Variants in CYP4F12 observed in about 807,000 individuals in gnomAD.
CYP4F12 encodes the protein cytochrome P450 4F12.
In CYP4F12, 60 loss-of-function variants were observed where a neutral mutation model predicts 56.5. The observed-to-expected ratio is 1.06, with a 90% confidence interval of 0.86 to 1.32. The LOEUF (loss-of-function observed/expected upper bound fraction) is 1.32, where lower values mean the gene tolerates loss of function less well. Ranked by LOEUF, CYP4F12 falls within the 40% of genes most tolerant of loss-of-function variation. The pLI is 0.00. For synonymous variants in CYP4F12, 263 were observed against 264.9 expected (o/e 0.99, Z 0.07); for missense variants, 711 against 683.5 (o/e 1.04, Z -0.45).
Position 15,685,003 on chromosome 19 carries a change from G to T in CYP4F12, c.986-65G>T. ...TCCCCCTCCCTCCATCCTCCTGAGGGCCTCAATATCTGGGCGCTGTCCACC... is the reference window on the plus strand; with the variant it reads ...TCCCCCTCCCTCCATCCTCCTGAGGTCCTCAATATCTGGGCGCTGTCCACC... On this transcript the variant is annotated intron_variant, in intron 8 of 12. Transcript: ENST00000550308. The T allele has an allele frequency of 5.7e-6, 9 of 1,588,916 alleles. 1 individual carries two copies. The Middle Eastern group carries it at 5.1e-4, about 91-fold the overall frequency.
chr19:15,688,417 C>G (rs1267924495), intron 9 of CYP4F12, among the ~76,000 whole-genome samples: 1 of 151,920 alleles, frequency 6.6e-6, no homozygotes, highest in Non-Finnish European at 1.5e-5. Context: ...GGTTAAAGCT[C>G]TCTACAAGGA....
chr19:15,683,683 A>T lies in CYP4F12; in HGVS notation c.838A>T (p.Thr280Ser), dbSNP rs753604748. 1.9e-6 allele frequency: 3 copies of T among 1,612,478 alleles called. No homozygotes were observed. Among genetic ancestry groups the T allele is most frequent in the Non-Finnish European group, 2.5e-6 (3 of 1,179,346 alleles). ...CCGGGAGCGGCGTCGCACCCTCCCC[A>T]CTCAGGGTATTGATGATTTTTTCAA... ...VIRERRRTLP[T>S]QGIDDFFKDK... The change falls in exon 7 of 13, where the codon ACT becomes TCT. Residue 280 changes from threonine to serine, a missense_variant. Thr to Ser is a moderately conservative substitution (Grantham distance 58). Transcript: ENST00000550308.
In CYP4F12 at chr19:15,687,737, T is replaced by C. The variant is rs146595148; in HGVS notation, c.1115+2540T>C. Among the ~76,000 whole-genome samples, 244 of 152,312 alleles carry C rather than the reference T, an allele frequency of 1.6e-3. 1 individual carries two copies. The highest frequency in any genetic ancestry group is 0.01 in the Middle Eastern group (3 of 294). ...AGACCACAGGAGAAGGCCTTAACTC[T>C]ATCCAGGGCTTGAACTGATTTAGGG... On this transcript the variant is annotated intron_variant, in intron 9 of 12. Transcript: ENST00000550308.
At chr19:15,696,290 T>A (rs1032714067) in intron 11 of CYP4F12, 65 bp downstream of exon 11, 2 of 1,610,664 alleles carry the variant, frequency 1.2e-6, no homozygotes, top group South Asian at 1.1e-5. Flanking sequence ...GTGTGTGAAT[T>A]CCAAGGTTCC....
In CYP4F12 at chr19:15,685,064, T is replaced by A; in HGVS notation, c.986-4T>A. 1 of 1,612,710 alleles carries A rather than the reference T, an allele frequency of 6.2e-7. No homozygotes were observed. The highest frequency in any genetic ancestry group is 8.5e-7 in the Non-Finnish European group (1 of 1,179,216). ...GAAGCCAAGCTTACCTGGCTGCTCC[T>A]CAGGCCATGACACCACGGCCAGTGG... On this transcript the variant is annotated splice_polypyrimidine_tract_variant and splice_region_variant and intron_variant, in intron 8 of 12. Transcript: ENST00000550308.
At chr19:15,678,156 C>G in intron 2 of CYP4F12, 105 bp from the exon 3 acceptor site, 2 of 1,424,412 alleles carry the variant, frequency 1.4e-6, no homozygotes, top group Non-Finnish European at 2.0e-6. Flanking sequence ...CACAGACACA[C>G]ACAGCAATAA....
Position 15,678,328 on chromosome 19 carries a change from C to T in CYP4F12, c.266C>T (p.Thr89Met), listed in dbSNP as rs200483875. 406 of 1,614,190 alleles carry T rather than the reference C, an allele frequency of 2.5e-4. 2 individuals are homozygous for T. In the South Asian group the frequency reaches 3.2e-3, roughly 13 times the overall value. The change falls in exon 3 of 13, where the codon ACG (threonine) becomes ATG (methionine). Residue 89 changes from threonine to methionine, a missense_variant. Transcript: ENST00000550308. The stretch of plus-strand genomic sequence containing the variant: ...TCGGCCACCTATTCCCAGGGCTTTA[C>T]GGTATGGCTGGGTCCCATCATCCCC... Reference protein sequence around the residue: ...QMSATYSQGFTVWLGPIIPFI... With the variant: ...QMSATYSQGFMVWLGPIIPFI...
chr19:15,677,109 C>T (rs1228424104), intron 2 of CYP4F12, among the ~76,000 whole-genome samples: 3 of 117,178 alleles, frequency 2.6e-5, no homozygotes, highest in African/African-American at 3.3e-5. Flanking sequence ...ACTCATTCCT[C>T]TGCTCACTCA....
At chr19:15,685,243 C>T (rs767136980) in intron 9 of CYP4F12, 46 bp downstream of exon 9, 8 of 1,598,462 alleles carry the variant, frequency 5.0e-6, no homozygotes, top group Admixed American at 1.7e-5. Context: ...ATCATTGGTT[C>T]TGCTCCCCAA....
At chr19:15,692,453 T>C (rs927539240) in intron 9 of CYP4F12, among the ~76,000 whole-genome samples, 3 of 152,172 alleles carry the variant, frequency 2.0e-5, no homozygotes, top group Non-Finnish European at 4.4e-5. Context: ...TATTTCTATA[T>C]GGTAAAACTA....
At chr19:15,682,943 T>C (rs958728870) in intron 6 of CYP4F12, among the ~76,000 whole-genome samples, 2 of 152,110 alleles carry the variant, frequency 1.3e-5, no homozygotes, top group African/African-American at 4.8e-5. Flanking sequence ...CACCATGTTG[T>C]CCAGGCTGGT....
intron 12 of CYP4F12, 44 bp downstream of exon 12, chr19:15,696,556 C>T (rs768098978): frequency 3.1e-5 from 49 of 1,576,266 alleles, no homozygotes; most frequent in South Asian, 1.9e-4. Flanking sequence ...ATGATGGGTG[C>T]GGGAGTTAAA....
At chr19:15,689,514 A>G (rs917889747) in intron 9 of CYP4F12, among the ~76,000 whole-genome samples, 1 of 152,232 alleles carries the variant, frequency 6.6e-6, no homozygotes, top group African/African-American at 2.4e-5. Context: ...CTGCTATGAA[A>G]ATTAACATAA....
intron 1 of CYP4F12, 167 bp from the exon 2 acceptor site, chr19:15,673,362 T>G: frequency 5.6e-6 from 4 of 710,072 alleles, no homozygotes; most frequent in Admixed American, 2.7e-5. Context: ...CACTTAGTTG[T>G]TGGTTTTGGT....
At chr19:15,693,955 CCATTGCT>C (rs1305353581) in intron 9 of CYP4F12, among the ~76,000 whole-genome samples, 1 of 149,128 alleles carries the variant, frequency 6.7e-6, no homozygotes, top group East Asian at 1.9e-4. Flanking sequence ...AATCCTTTCC[CCATTGCT>C]TGTTTTTCTC....
At chr19:15,676,130 C>T (rs2006907327) in intron 2 of CYP4F12, among the ~76,000 whole-genome samples, 1 of 152,176 alleles carries the variant, frequency 6.6e-6, no homozygotes, top group African/African-American at 2.4e-5. Context: ...TGCCTTTTGT[C>T]CTGTTCATGC....
intron 5 of CYP4F12, chr19:15,680,908 C>T: frequency 9.0e-6 from 3 of 334,322 alleles, no homozygotes; most frequent in Non-Finnish European, 1.7e-5. Context: ...GAAGGGATCA[C>T]TCTTGGCACA....
intron 3 of CYP4F12, 55 bp from the exon 4 acceptor site, chr19:15,680,189 C>T: frequency 6.4e-7 from 1 of 1,551,140 alleles, no homozygotes; most frequent in South Asian, 1.3e-5. Context: ...TGCCCTATAC[C>T]TGAAGTTCCT....
At chr19:15,678,469 C>T (rs944968360) in intron 3 of CYP4F12, 64 bp downstream of exon 3, 5 of 1,596,582 alleles carry the variant, frequency 3.1e-6, no homozygotes, top group Non-Finnish European at 4.3e-6. Context: ...TCTGCAGTAC[C>T]CACGTCCCTC....
Sources: allele counts gnomAD v4.1 joint callset (sites outside exome capture counted in the v4.1 genomes callset), GRCh38; gene constraint gnomAD v4.1.1; transcripts MANE v1.5; gene names NCBI Gene and HGNC (gene_info 2026-07-23, HGNC 2026-07-21).